Variants in ASXL1 observed in about 807,000 individuals in gnomAD.
The protein encoded by ASXL1 is polycomb group protein ASXL1.
In ASXL1, 65 loss-of-function variants were observed where a neutral mutation model predicts 89.1. That is an observed-to-expected ratio of 0.73 (90% CI 0.60 to 0.90). The LOEUF is 0.90. Ranked by LOEUF, ASXL1 falls within the 40% of genes least tolerant of loss-of-function variation. The pLI is 0.00. For synonymous variants in ASXL1, 739 were observed against 746.9 expected (o/e 0.99, Z 0.17); for missense variants, 1,786 against 1,942.9 (o/e 0.92, Z 1.52).
chr20:32,369,964 C>A (rs1439161032), intron 4 of ASXL1, among the ~76,000 whole-genome samples: 1 of 151,914 alleles, frequency 6.6e-6, no homozygotes, highest in East Asian at 1.9e-4. Context: ...TGTGATCCGT[C>A]CGCCTTAGCC....
Position 32,428,381 on chromosome 20 carries a change from C to T in ASXL1, c.430C>T (p.Pro144Ser), listed in dbSNP as rs2123211069. Residue 144 changes from proline to serine, a missense_variant, in exon 6 of 13, where the codon CCT (proline) becomes TCT (serine). Pro to Ser is a moderately conservative substitution (Grantham distance 74, BLOSUM62 -1). This residue lies in a region of ASXL1 where 332 missense variants were observed against 449.7 expected (regional missense o/e 0.74). Coordinates refer to ENST00000375687, the MANE Select transcript of ASXL1 (RefSeq NM_015338.6). ...CTGTTCTACAGAATCTCAGAGTCGA[C>T]CTCTTTCCAATCCCAGGGACAGCTA... ...ASCSTESQSRPLSNPRDSYRA... is the reference protein window; with the variant it reads ...ASCSTESQSRSLSNPRDSYRA... 2 of 1,614,088 alleles carry T rather than the reference C, an allele frequency of 1.2e-6. No individual in the cohort carries two copies. The highest frequency in any genetic ancestry group is 4.5e-5 in the East Asian group (2 of 44,880).
intron 4 of ASXL1, among the ~76,000 whole-genome samples, chr20:32,412,662 C>T (rs1329892941): frequency 5.6e-5 from 8 of 144,044 alleles, no homozygotes; most frequent in Non-Finnish European, 1.0e-4. Context: ...ATGGTGGGAT[C>T]GTAGCTCACG....
At chr20:32,405,921 G>T (rs113913689) in intron 4 of ASXL1, among the ~76,000 whole-genome samples, 1,519 of 149,952 alleles carry the variant, frequency 0.01, 20 homozygotes, top group African/African-American at 0.035. Flanking sequence ...CTTTTTTTTT[G>T]AGATGGGGTT....
At chr20:32,432,229 T>G (rs1295147529) in intron 10 of ASXL1, 1 of 180,318 alleles carries the variant, frequency 5.5e-6, no homozygotes, top group African/African-American at 2.4e-5. Flanking sequence ...TGGGGTGGGG[T>G]CCAGGGGAAA....
chr20:32,378,158 T>TTTTGTGTGTGTGTGTGTGTG (rs2048421070), intron 4 of ASXL1, among the ~76,000 whole-genome samples: 2 of 130,226 alleles, frequency 1.5e-5, no homozygotes, highest in African/African-American at 6.1e-5. Flanking sequence ...GCTGAGTAAT[T>TTTTGTGTGTGTGTGTGTGTG]TGTGTGTGTG....
Position 32,429,130 on chromosome 20 carries a change from C to T in ASXL1, c.472-208C>T, listed in dbSNP as rs2011437121. 3.3e-6 allele frequency: 2 copies of T among 599,120 alleles called. No homozygotes were observed. Among genetic ancestry groups the T allele is most frequent in the South Asian group, 1.8e-5 (1 of 54,138 alleles). The allele number at this position is 599,120 out of a possible 1,614,324, so 37.1% of individuals were successfully genotyped here. The stretch of plus-strand genomic sequence containing the variant: ...TACCTGTAAAATGGGGATAACAGTA[C>T]ATTTTTGTAGCTTGGAATGATGCTT... On this transcript the variant is annotated intron_variant, in intron 6 of 12. Transcript: ENST00000375687. The surrounding 1 kb of genome is among the most constrained non-coding windows in gnomAD (Gnocchi z 4.9).
At chr20:32,374,584 G>A (rs1222931364) in intron 4 of ASXL1, among the ~76,000 whole-genome samples, 3 of 151,960 alleles carry the variant, frequency 2.0e-5, no homozygotes, top group Admixed American at 6.6e-5. Flanking sequence ...TGTGAGCCAC[G>A]GTGCCCGGCC....
At chr20:32,428,562 T>G (rs965183058) in intron 6 of ASXL1, 140 bp downstream of exon 6, 26 of 805,166 alleles carry the variant, frequency 3.2e-5, no homozygotes, top group Non-Finnish European at 4.8e-5. Flanking sequence ...TAGTAGCATT[T>G]AACAGGGGGC....
In ASXL1 at chr20:32,435,267, C is replaced by T. The variant is rs371542005; in HGVS notation, c.2555C>T (p.Ser852Leu). 1.4e-5 allele frequency: 22 copies of T among 1,614,026 alleles called. No homozygotes were observed. The highest frequency in any genetic ancestry group is 1.6e-4 in the Middle Eastern group (1 of 6,084). The part of the protein sequence containing the change: ...NVTPSSTPES[S>L]PTDCLQNRAF... ...ACCCCCAGTTCCACACCTGAATCCT[C>T]ACCGACTGATTGCCTGCAGAACAGA... The change falls in exon 13 of 13, where the codon TCA becomes TTA. Residue 852 changes from serine (S) to leucine (L), a missense_variant. By Grantham distance (145) the Ser-to-Leu change is moderately radical. Around this residue, in one of 3 missense-constraint regions of ASXL1, gnomAD observed 1,418 missense variants for 1,427.8 expected, o/e 0.99. Coordinates refer to ENST00000375687, the MANE Select transcript of ASXL1 (RefSeq NM_015338.6).
At chr20:32,376,103 C>G (rs772683470) in intron 4 of ASXL1, among the ~76,000 whole-genome samples, 7 of 152,176 alleles carry the variant, frequency 4.6e-5, no homozygotes, top group Non-Finnish European at 8.8e-5. Flanking sequence ...GTCTACTGTT[C>G]CAGGTTGTCC....
At chr20:32,400,386 C>T (rs542664836) in intron 4 of ASXL1, among the ~76,000 whole-genome samples, 3 of 152,214 alleles carry the variant, frequency 2.0e-5, no homozygotes, top group Admixed American at 6.5e-5. Context: ...ACTTGAAAAC[C>T]GTTGATTCCT....
rs1015627628 is a variant in ASXL1 at position 32,429,788 on chromosome 20, G to A, written c.566-113G>A. ...CTCAGCCTAAGGCTGGGAGATGGAA[G>A]CATCCCAGTATTGCTGGCAGCATCT... On this transcript the variant is annotated intron_variant, in intron 7 of 12. Coordinates refer to ENST00000375687, the MANE Select transcript of ASXL1 (RefSeq NM_015338.6). This position sits in a 1 kb window ranked among gnomAD's most constrained non-coding sequence, Gnocchi z 4.9. 1.4e-6 allele frequency: 2 copies of A among 1,394,288 alleles called. No homozygotes were observed. Among genetic ancestry groups the A allele is most frequent in the African/African-American group, 2.9e-5 (2 of 69,632 alleles). 86.4% of individuals were successfully genotyped at this position (1,394,288 alleles called of 1,614,324 possible). A position where few individuals can be genotyped will look rare whatever the true frequency, so the allele number is the denominator to read the frequency against.
rs2011829454 is a variant in ASXL1, at chr20:32,435,963, G to A, written c.3251G>A (p.Ser1084Asn). The A allele has an allele frequency of 1.2e-6, 2 of 1,614,166 alleles. No individual in the cohort carries two copies. Among genetic ancestry groups the A allele is most frequent in the South Asian group, 1.1e-5 (1 of 91,086 alleles). The change falls in exon 13 of 13, where the codon AGT (serine) becomes AAT (asparagine). Residue 1084 changes from serine to asparagine, a missense_variant. This residue lies in a region of ASXL1 where 1,418 missense variants were observed against 1,427.8 expected (regional missense o/e 0.99). Coordinates refer to ENST00000375687, the MANE Select transcript of ASXL1 (RefSeq NM_015338.6). ...ATCCCAGATTCCCTACTGCTGGCCAGTACTGAGTACCAGCCAAGAGCCGTG... is the reference window on the plus strand; with the variant it reads ...ATCCCAGATTCCCTACTGCTGGCCAATACTGAGTACCAGCCAAGAGCCGTG... ...QKIPDSLLLA[S>N]TEYQPRAVCL...
intron 4 of ASXL1, among the ~76,000 whole-genome samples, chr20:32,391,622 T>C (rs1363609972): frequency 1.3e-5 from 2 of 152,192 alleles, no homozygotes; most frequent in Non-Finnish European, 1.5e-5. Context: ...CCCAGGTAGC[T>C]GAGAGTACAG....
chr20:32,397,092 T>C (rs2123028006), intron 4 of ASXL1, among the ~76,000 whole-genome samples: 2 of 148,032 alleles, frequency 1.4e-5, no homozygotes, highest in South Asian at 4.4e-4. Flanking sequence ...TTGCTCAGGC[T>C]GGAGTGCAGT....
At chr20:32,425,032 C>T (rs2011234854) in intron 4 of ASXL1, among the ~76,000 whole-genome samples, 1 of 151,902 alleles carries the variant, frequency 6.6e-6, no homozygotes, top group African/African-American at 2.4e-5. Flanking sequence ...TTCTTGCTTT[C>T]CTTTAGATTA....
intron 4 of ASXL1, among the ~76,000 whole-genome samples, chr20:32,411,189 GTTTA>G (rs2049038316): frequency 4.2e-5 from 3 of 72,110 alleles, no homozygotes; most frequent in Admixed American, 2.7e-4. Context: ...TCCCCCATTT[GTTTA>G]TTCGTTGTGA....
chr20:32,378,032 C>T (rs976362359), intron 4 of ASXL1, among the ~76,000 whole-genome samples: 6 of 132,568 alleles, frequency 4.5e-5, no homozygotes, highest in Non-Finnish European at 8.0e-5. Flanking sequence ...CTCTGTCGCC[C>T]AGGCTGGAGT....
At chr20:32,372,353 A>G in intron 4 of ASXL1, 1 of 1,156,812 alleles carries the variant, frequency 8.6e-7, no homozygotes. Flanking sequence ...TATCCTTCAT[A>G]GTATCTTGTT....
Sources: gnomAD v4.1 joint callset for allele counts (sites outside exome capture counted in the v4.1 genomes callset) on GRCh38, gnomAD v4.1.1 for gene constraint, gnomAD v4.1.1 regional missense constraint, Gnocchi (gnomAD v3.1) non-coding constraint, MANE v1.5 for transcripts, NCBI Gene and HGNC (gene_info 2026-07-23, HGNC 2026-07-21) for gene names.